The following MICU1 variants were observed in gnomAD, a reference collection of about 807,000 sequenced individuals.
MICU1 encodes calcium uptake protein 1, mitochondrial.
Under a neutral mutation model 56.8 loss-of-function variants are expected in MICU1, and 45 were observed. The ratio of observed to expected loss-of-function variants is 0.79; its 90% CI spans 0.62 to 1.02. MICU1 has a LOEUF of 1.02. Ranked by LOEUF, MICU1 falls within the 50% of genes least tolerant of loss-of-function variation. MICU1 has a pLI of 0.00. For missense variants in MICU1, 504 were observed against 587.1 expected (o/e 0.86, Z 1.46); for synonymous variants, 186 against 195.1 (o/e 0.95, Z 0.39).
chr10:72,605,595 G>A (rs1025453741), intron 1 of MICU1, among the ~76,000 whole-genome samples: 1 of 152,122 alleles, frequency 6.6e-6, no homozygotes, highest in Non-Finnish European at 1.5e-5. Context: ...AGTTTGAAAG[G>A]TAATATAATA....
chr10:72,621,308 T>C (rs1842098682), intron 1 of MICU1, among the ~76,000 whole-genome samples: 1 of 151,834 alleles, frequency 6.6e-6, no homozygotes, highest in African/African-American at 2.4e-5. Context: ...ACCAACATGG[T>C]GAAACCCCAT....
In MICU1 at chr10:72,416,794, T is replaced by C. The variant is rs1344786404; in HGVS notation, c.1071+6440A>G. On this transcript the variant is annotated intron_variant, in intron 9 of 11. Coordinates refer to ENST00000361114, the MANE Select transcript of MICU1 (RefSeq NM_001195518.2). Reference sequence around the variant, plus strand: ...CTTCAGCTGGCTCTAATCTTCCTCCTTAGTGCTTCAAAAAGATCTCATACC... The same window carrying C: ...CTTCAGCTGGCTCTAATCTTCCTCCCTAGTGCTTCAAAAAGATCTCATACC... Among the ~76,000 whole-genome samples the C allele has an allele frequency of 2.0e-5, 3 of 152,290 alleles. No individual in the cohort carries two copies. The East Asian group carries it at 5.8e-4, about 29-fold the overall frequency.
intron 8 of MICU1, among the ~76,000 whole-genome samples, chr10:72,448,153 G>GTGTC (rs1554872437): frequency 6.4e-5 from 6 of 93,316 alleles, no homozygotes; most frequent in African/African-American, 2.0e-4. Flanking sequence ...GTGTGTGTCT[G>GTGTC]TGTGTGTGTA....
intron 4 of MICU1, among the ~76,000 whole-genome samples, chr10:72,545,688 C>T (rs2132432846): frequency 6.6e-6 from 1 of 152,246 alleles, no homozygotes; most frequent in Middle Eastern, 3.4e-3. Context: ...CTACTCAAGC[C>T]TCTAAAAGGT....
At chr10:72,389,142 CAGGA>C in intron 10 of MICU1, among the ~76,000 whole-genome samples, 1 of 152,148 alleles carries the variant, frequency 6.6e-6, no homozygotes, top group East Asian at 1.9e-4. Context: ...TATTACAGTT[CAGGA>C]GTGGGTGGCA....
chr10:72,508,684 A>G (rs1867341354), intron 5 of MICU1: 1 of 153,020 alleles, frequency 6.5e-6, no homozygotes, highest in African/African-American at 2.4e-5. Flanking sequence ...CTAGACTGAT[A>G]GTGATTAGAA....
intron 1 of MICU1, among the ~76,000 whole-genome samples, chr10:72,591,329 G>A (rs560290179): frequency 6.6e-6 from 1 of 151,468 alleles, no homozygotes; most frequent in South Asian, 2.1e-4. Flanking sequence ...ACTAGAAAAA[G>A]AAGAACAAAC....
chr10:72,593,513 C>G (rs2132532432), intron 1 of MICU1, among the ~76,000 whole-genome samples: 1 of 120,588 alleles, frequency 8.3e-6, no homozygotes, highest in South Asian at 2.5e-4. Context: ...GACAGTCGGA[C>G]TCTGTCTCCA....
intron 8 of MICU1, among the ~76,000 whole-genome samples, chr10:72,457,375 G>A (rs1865505355): frequency 8.1e-6 from 1 of 124,182 alleles, no homozygotes; most frequent in Non-Finnish European, 1.8e-5. Flanking sequence ...ATGCCACCGT[G>A]CTTGGCCCAT....
intron 5 of MICU1, among the ~76,000 whole-genome samples, chr10:72,531,051 T>G (rs1262324538): frequency 6.6e-6 from 1 of 152,166 alleles, no homozygotes; most frequent in Non-Finnish European, 1.5e-5. Context: ...TAGAAGGCAA[T>G]AAAATAAGCT....
At chr10:72,446,983 T>TGTAA (rs1162508776) in intron 8 of MICU1, among the ~76,000 whole-genome samples, 6 of 152,188 alleles carry the variant, frequency 3.9e-5, no homozygotes, top group African/African-American at 1.2e-4. Context: ...AAAGAAAAAC[T>TGTAA]GTAAGTAAGT....
intron 6 of MICU1, among the ~76,000 whole-genome samples, chr10:72,477,932 C>T (rs1034147582): frequency 6.7e-6 from 1 of 150,322 alleles, no homozygotes; most frequent in African/African-American, 2.5e-5. Flanking sequence ...GCAGTAGTGC[C>T]ATCTTGGCTC....
At chr10:72,554,826 C>T (rs1452176932) in intron 3 of MICU1, among the ~76,000 whole-genome samples, 1 of 152,114 alleles carries the variant, frequency 6.6e-6, no homozygotes, top group Non-Finnish European at 1.5e-5. Flanking sequence ...ACCAGCCTGG[C>T]CAACATGGTG....
intron 4 of MICU1, among the ~76,000 whole-genome samples, chr10:72,549,759 C>T (rs557625469): frequency 1.3e-5 from 2 of 151,956 alleles, no homozygotes; most frequent in African/African-American, 4.8e-5. Flanking sequence ...GGCCAGACCC[C>T]ATCTCTACTA....
At chr10:72,614,640 A>T (rs1333346485) in intron 1 of MICU1, among the ~76,000 whole-genome samples, 1 of 152,242 alleles carries the variant, frequency 6.6e-6, no homozygotes, top group East Asian at 1.9e-4. Context: ...GAAGGATACT[A>T]TGCTAAGGGA....
chr10:72,485,153 G>A (rs1866426162), intron 6 of MICU1, among the ~76,000 whole-genome samples: 1 of 151,534 alleles, frequency 6.6e-6, no homozygotes, highest in Non-Finnish European at 1.5e-5. Context: ...AGGAAAATGA[G>A]GTAAATTAAG....
chr10:72,622,778 T>G (rs893079635), intron 1 of MICU1, among the ~76,000 whole-genome samples: 2 of 152,232 alleles, frequency 1.3e-5, no homozygotes, highest in Non-Finnish European at 2.9e-5. Flanking sequence ...AGCATATTAC[T>G]TCAATAATAG....
At chr10:72,612,909 AAG>A (rs998992428) in intron 1 of MICU1, among the ~76,000 whole-genome samples, 1 of 152,152 alleles carries the variant, frequency 6.6e-6, no homozygotes, top group Admixed American at 6.6e-5. Flanking sequence ...AAGAATAAAA[AAG>A]AGAGAGAAAA....
chr10:72,602,526 A>G (rs937070150), intron 1 of MICU1, among the ~76,000 whole-genome samples: 2 of 152,186 alleles, frequency 1.3e-5, no homozygotes, highest in African/African-American at 2.4e-5. Flanking sequence ...TTTGCTAATC[A>G]TGTCTGTTTA....
Sources: gnomAD v4.1 joint callset for allele counts (sites outside exome capture counted in the v4.1 genomes callset) on GRCh38, gnomAD v4.1.1 for gene constraint, MANE v1.5 for transcripts, NCBI Gene and HGNC (gene_info 2026-07-23, HGNC 2026-07-21) for gene names.